MFHAS1: variants seen among roughly 807,000 people sequenced by gnomAD.
The protein encoded by MFHAS1 is malignant fibrous histiocytoma-amplified sequence 1.
A neutral mutation model predicts 70.4 loss-of-function variants in MFHAS1; 50 were observed. That is an observed-to-expected ratio of 0.71 (90% CI 0.57 to 0.90). The LOEUF (loss-of-function observed/expected upper bound fraction) is 0.90, where lower values mean the gene tolerates loss of function less well. Among genes scored for constraint, MFHAS1 ranks in the 40% least tolerant of loss-of-function variants. The pLI is 0.00. For synonymous variants in MFHAS1, 952 were observed against 620.0 expected, an observed-to-expected ratio of 1.54 and a Z score of -7.96; for missense variants, 1,795 against 1,347.6, an observed-to-expected ratio of 1.33 and a Z score of -5.20.
intron 1 of MFHAS1, among the ~76,000 whole-genome samples, chr8:8,851,086 A>C (rs1427024757): frequency 6.6e-6 from 1 of 152,158 alleles, no homozygotes; most frequent in African/African-American, 2.4e-5. Flanking sequence ...GTGCCTCAAG[A>C]GGTTAGGAGA....
At chr8:8,825,673 G>C (rs1349645374) in intron 1 of MFHAS1, among the ~76,000 whole-genome samples, 1 of 152,104 alleles carries the variant, frequency 6.6e-6, no homozygotes, top group Non-Finnish European at 1.5e-5. Context: ...TACTGGATTA[G>C]GGCCCAACCT....
At chr8:8,871,275 C>T (rs983310494) in intron 1 of MFHAS1, among the ~76,000 whole-genome samples, 4 of 152,142 alleles carry the variant, frequency 2.6e-5, no homozygotes, top group African/African-American at 9.7e-5. Flanking sequence ...TGCAGCTGGG[C>T]GTGATGGCTC....
At chr8:8,833,851 T>C (rs1807499740) in intron 1 of MFHAS1, among the ~76,000 whole-genome samples, 1 of 152,106 alleles carries the variant, frequency 6.6e-6, no homozygotes, top group Non-Finnish European at 1.5e-5. Flanking sequence ...AATGGAATAC[T>C]ACTCAACAAC....
At chr8:8,820,508 C>T (rs1585033892) in intron 1 of MFHAS1, among the ~76,000 whole-genome samples, 1 of 152,328 alleles carries the variant, frequency 6.6e-6, no homozygotes, top group Non-Finnish European at 1.5e-5. Context: ...CAATGTCTTT[C>T]TCTTCCCCAC....
chr8:8,881,825 A>G (rs758719551), intron 1 of MFHAS1, among the ~76,000 whole-genome samples: 94 of 151,772 alleles, frequency 6.2e-4, no homozygotes, highest in Non-Finnish European at 9.9e-4. Context: ...CAAAAAAAAA[A>G]AAAAAAAAAG....
chr8:8,808,790 T>C (rs535473257), intron 1 of MFHAS1, among the ~76,000 whole-genome samples: 1 of 152,130 alleles, frequency 6.6e-6, no homozygotes, highest in African/African-American at 2.4e-5. Context: ...TTTGGTGCCA[T>C]TGGTGGTTTC....
chr8:8,888,568 G>A (rs767972313), intron 1 of MFHAS1, among the ~76,000 whole-genome samples: 6 of 151,922 alleles, frequency 3.9e-5, no homozygotes, highest in Admixed American at 6.6e-5. Context: ...AACTACAAAG[G>A]ATGAGGAAAT....
At chr8:8,847,127 G>T (rs959182480) in intron 1 of MFHAS1, among the ~76,000 whole-genome samples, 2 of 152,152 alleles carry the variant, frequency 1.3e-5, no homozygotes, top group African/African-American at 2.4e-5. Flanking sequence ...TTTCGTAATT[G>T]GCAGGAAGAC....
At chr8:8,808,101 T>C (rs535201434) in intron 1 of MFHAS1, among the ~76,000 whole-genome samples, 1 of 152,082 alleles carries the variant, frequency 6.6e-6, no homozygotes, top group South Asian at 2.1e-4. Flanking sequence ...ATCTCCTGTG[T>C]CCACTGTCCC....
At chr8:8,839,104 T>C (rs570187949) in intron 1 of MFHAS1, among the ~76,000 whole-genome samples, 1 of 152,264 alleles carries the variant, frequency 6.6e-6, no homozygotes, top group South Asian at 2.1e-4. Flanking sequence ...ACCCATTTCC[T>C]GCAGGAACTA....
At chr8:8,840,444 G>A (rs1306542818) in intron 1 of MFHAS1, among the ~76,000 whole-genome samples, 2 of 137,924 alleles carry the variant, frequency 1.5e-5, no homozygotes, top group Non-Finnish European at 3.0e-5. Flanking sequence ...GCCACAGAGT[G>A]AGACTCCATC....
At chr8:8,864,957 C>T (rs1808801177) in intron 1 of MFHAS1, among the ~76,000 whole-genome samples, 1 of 152,018 alleles carries the variant, frequency 6.6e-6, no homozygotes, top group Non-Finnish European at 1.5e-5. Context: ...TATCTAGTTT[C>T]CACCTAGATT....
At chr8:8,866,944 C>T (rs949510986) in intron 1 of MFHAS1, among the ~76,000 whole-genome samples, 2 of 152,038 alleles carry the variant, frequency 1.3e-5, no homozygotes, top group Non-Finnish European at 2.9e-5. Flanking sequence ...TGATACAAGA[C>T]AATTTTTAAG....
At chr8:8,833,247 C>G (rs1034040983) in intron 1 of MFHAS1, among the ~76,000 whole-genome samples, 7 of 152,148 alleles carry the variant, frequency 4.6e-5, no homozygotes, top group African/African-American at 1.7e-4. Context: ...GATTGCATTT[C>G]AACATGAGAT....
Position 8,892,573 on chromosome 8 carries a change from C to A in MFHAS1, c.486G>T (p.Glu162Asp). 1 of 1,607,626 alleles carries A rather than the reference C, an allele frequency of 6.2e-7. No individual in the cohort carries two copies. Among genetic ancestry groups the A allele is most frequent in the Admixed American group, 1.7e-5 (1 of 58,712 alleles). ...CCAGCCGGTTAAAGCTGACATCCAG[C>A]TCCTCCAGGTGAGCGAGAGCGCCCA... ...AQLGALAHLE[E>D]LDVSFNRLAH... The change falls in exon 1 of 3, where the codon GAG becomes GAT. Residue 162 changes from glutamate to aspartate, a missense_variant. Coordinates refer to ENST00000276282, the MANE Select transcript of MFHAS1 (RefSeq NM_004225.3). This position sits in a 1 kb window ranked among gnomAD's most constrained non-coding sequence, Gnocchi z 4.7.
chr8:8,820,224 C>T (rs1048722900), intron 1 of MFHAS1, among the ~76,000 whole-genome samples: 2 of 151,920 alleles, frequency 1.3e-5, no homozygotes, highest in Admixed American at 1.3e-4. Flanking sequence ...TCCCAAGTCC[C>T]CAGAGTTAGA....
intron 1 of MFHAS1, among the ~76,000 whole-genome samples, chr8:8,828,250 A>T (rs75092055): frequency 0.011 from 1,627 of 152,358 alleles, 26 homozygotes; most frequent in African/African-American, 0.037. Flanking sequence ...AAAACATCTC[A>T]AAAGCATGGA....
chr8:8,877,819 G>A (rs1809354291), intron 1 of MFHAS1, among the ~76,000 whole-genome samples: 1 of 152,080 alleles, frequency 6.6e-6, no homozygotes, highest in Non-Finnish European at 1.5e-5. Context: ...CTAGTTGATG[G>A]GCCAGTGGGT....
At chr8:8,790,748 T>C (rs1323368136) in intron 2 of MFHAS1, among the ~76,000 whole-genome samples, 1 of 152,228 alleles carries the variant, frequency 6.6e-6, no homozygotes, top group Non-Finnish European at 1.5e-5. Context: ...TTTTATCAAG[T>C]TCATGCTAAT....
Sources: allele counts gnomAD v4.1 joint callset (sites outside exome capture counted in the v4.1 genomes callset), GRCh38; gene constraint gnomAD v4.1.1; non-coding constraint Gnocchi (gnomAD v3.1); transcripts MANE v1.5; gene names NCBI Gene and HGNC (gene_info 2026-07-23, HGNC 2026-07-21).